BCAP29: variants seen among roughly 807,000 people sequenced by gnomAD.
BCAP29 encodes the protein B cell receptor associated protein 29.
A neutral mutation model predicts 31.8 loss-of-function variants in BCAP29; 34 were observed. The observed-to-expected ratio is 1.07, with a 90% CI of 0.81 to 1.42. BCAP29 has a LOEUF of 1.42. BCAP29 is among the 40% of genes most tolerant of loss of function. The pLI, the probability that BCAP29 is intolerant of heterozygous loss-of-function variation, is 0.00. For missense variants in BCAP29, 314 were observed against 269.2 expected (o/e 1.17, Z -1.16); for synonymous variants, 104 against 91.3 (o/e 1.14, Z -0.79).
intron 7 of BCAP29, among the ~76,000 whole-genome samples, chr7:107,618,065 T>C (rs1814508106): frequency 1.3e-5 from 2 of 152,140 alleles, no homozygotes; most frequent in Non-Finnish European, 2.9e-5. Context: ...AGAAATCATG[T>C]TTTCCTAATG....
chr7:107,581,662 C>T (rs1806692965), intron 2 of BCAP29, among the ~76,000 whole-genome samples: 1 of 152,088 alleles, frequency 6.6e-6, no homozygotes, highest in Non-Finnish European at 1.5e-5. Flanking sequence ...AAGTGAGATC[C>T]TAGAGATAAC....
intron 4 of BCAP29, among the ~76,000 whole-genome samples, chr7:107,594,377 G>A (rs1055583101): frequency 1.3e-5 from 2 of 151,918 alleles, no homozygotes; most frequent in African/African-American, 4.8e-5. Context: ...TTGTAGAGAT[G>A]GGGTCTCACT....
chr7:107,591,641 T>TACACACACACACACAC (rs924671499), intron 3 of BCAP29, among the ~76,000 whole-genome samples: 14 of 41,826 alleles, frequency 3.3e-4, no homozygotes, highest in South Asian at 1.5e-3. Context: ...CATACACACA[T>TACACACACACACACAC]ACACACACAC....
At position 107,618,807 on chromosome 7, in the gene BCAP29, G is replaced by A. The variant is rs2129298433; in HGVS notation, c.*444G>A. On this transcript the variant is annotated 3_prime_UTR_variant, in exon 8 of 8. Coordinates refer to ENST00000005259, the MANE Select transcript of BCAP29 (RefSeq NM_018844.4). ...TTCAATATCAGCAAATTTGTACACA[G>A]GGAATGTAAATAAGGATAACTGATC... 2 of 405,372 alleles carry A rather than the reference G, an allele frequency of 4.9e-6. No individual in the cohort carries two copies. Among genetic ancestry groups the A allele is most frequent in the Middle Eastern group, 6.6e-4 (1 of 1,506 alleles). 25.1% of individuals were successfully genotyped at this position (405,372 alleles called of 1,614,324 possible).
In BCAP29 at chr7:107,613,334, C is replaced by T; in HGVS notation, c.592C>T (p.Leu198Phe). 6.2e-7 allele frequency: 1 copy of T among 1,601,138 alleles called. No homozygotes were observed. Among genetic ancestry groups the T allele is most frequent in the Non-Finnish European group, 8.5e-7 (1 of 1,171,770 alleles). The change falls in exon 7 of 8, where the codon CTT becomes TTT. Residue 198 changes from leucine to phenylalanine, a missense_variant and splice_region_variant. By Grantham distance (22) the Leu-to-Phe change is conservative (BLOSUM62 0). Transcript: ENST00000005259. Reference protein sequence around the residue: ...KTELRKTSDALSKAQNDVMEM... With the variant: ...KTELRKTSDAFSKAQNDVMEM... ...TAAAACTATTCGATATTTTCTAGCC[C>T]TTTCTAAGGCACAAAATGATGTGAT...
chr7:107,618,335 TA>T lies in BCAP29; in HGVS notation c.699del (p.Glu234LysfsTer22). 3.1e-6 allele frequency: 5 copies of T among 1,587,452 alleles called. No individual in the cohort carries two copies. The highest frequency in any genetic ancestry group is 4.3e-6 in the Non-Finnish European group (5 of 1,166,074). On this transcript the variant is annotated frameshift_variant, in exon 8 of 8. Transcript: ENST00000005259. LOFTEE classifies it high-confidence loss of function. Reference sequence around the variant, plus strand: ...ATATTTTTTTCCTTACAGGATCGTTTAGAAAGAGGCAACAAGAAAAGACTGT... The same window carrying T: ...ATATTTTTTTCCTTACAGGATCGTTTGAAAGAGGCAACAAGAAAAGACTGT... ...LKEHSELQDR[L>X]ERGNKKRL
Position 107,591,231 on chromosome 7 carries a change from A to AT in BCAP29, c.194-2719dup, listed in dbSNP as rs546569302. Among the ~76,000 whole-genome samples the AT allele has an allele frequency of 1.1e-4, 17 of 152,356 alleles. No individual in the cohort carries two copies. The East Asian group carries it at 3.1e-3, about 28-fold the overall frequency. On this transcript the variant is annotated intron_variant, in intron 3 of 7. Transcript: ENST00000005259. ...AGTCCCTGTCAGAAACCCAACAGGC[A>AT]TTTTTGTAGCAGTTGATCAGTTGCT...
At chr7:107,608,130 C>G (rs76444102) in intron 6 of BCAP29, among the ~76,000 whole-genome samples, 2 of 150,858 alleles carry the variant, frequency 1.3e-5, no homozygotes, top group East Asian at 3.9e-4. Context: ...TTTTCCATAC[C>G]GTAATCTTTG....
chr7:107,620,588 A>G (rs1814869972), downstream of BCAP29: 2 of 152,112 alleles, frequency 1.3e-5, no homozygotes, highest in Admixed American at 6.5e-5. Flanking sequence ...GCCTTTTTCC[A>G]TCAGAATTAC....
At chr7:107,601,897 T>G (rs1421505517) in intron 6 of BCAP29, among the ~76,000 whole-genome samples, 1 of 152,226 alleles carries the variant, frequency 6.6e-6, no homozygotes, top group African/African-American at 2.4e-5. Flanking sequence ...AGAGTGTATG[T>G]GTGCTACACT....
intron 7 of BCAP29, chr7:107,615,103 T>C (rs3801944): frequency 0.73 from 298,252 of 407,354 alleles, 109,879 homozygotes; most frequent in South Asian, 0.84. Context: ...CAGTTTCTTA[T>C]GGCCAGTGTC....
At chr7:107,606,423 G>GT (rs1295030783) in intron 6 of BCAP29, among the ~76,000 whole-genome samples, 1 of 152,146 alleles carries the variant, frequency 6.6e-6, no homozygotes, top group Admixed American at 6.5e-5. Flanking sequence ...TCTTTTCACA[G>GT]TAACTTCCCT....
chr7:107,620,964 TG>T (rs1397379507), downstream of BCAP29: 1 of 152,284 alleles, frequency 6.6e-6, no homozygotes, highest in African/African-American at 2.4e-5. Context: ...GAGTTGTTAG[TG>T]GTCTCTGCTT....
At chr7:107,613,661 G>A in intron 7 of BCAP29, 1 of 1,604,640 alleles carries the variant, frequency 6.2e-7, no homozygotes, top group Non-Finnish European at 8.5e-7. Flanking sequence ...CAGCATTCCA[G>A]TTTTGGTGAA....
intron 6 of BCAP29, 52 bp from the exon 7 acceptor site, chr7:107,613,280 A>G: frequency 4.3e-6 from 6 of 1,398,600 alleles, no homozygotes; most frequent in African/African-American, 2.9e-5. Context: ...TAACTTTTCT[A>G]TAAATTTGAA....
chr7:107,585,780 C>G (rs1463666463), intron 3 of BCAP29, among the ~76,000 whole-genome samples: 1 of 152,134 alleles, frequency 6.6e-6, no homozygotes, highest in Non-Finnish European at 1.5e-5. Context: ...AACCTAAGGT[C>G]AGGAATTCCA....
chr7:107,583,046 T>C (rs1806987725), intron 2 of BCAP29, among the ~76,000 whole-genome samples: 1 of 152,020 alleles, frequency 6.6e-6, no homozygotes, highest in Non-Finnish European at 1.5e-5. Context: ...TTTTTCAAGT[T>C]GTAAGTGCTT....
intron 3 of BCAP29, among the ~76,000 whole-genome samples, chr7:107,588,344 A>G (rs1408986096): frequency 1.3e-5 from 2 of 152,230 alleles, no homozygotes; most frequent in African/African-American, 4.8e-5. Context: ...GTTGCACAGC[A>G]TTGTGAATAT....
intron 4 of BCAP29, 121 bp from the exon 5 acceptor site, chr7:107,595,746 G>T: frequency 9.5e-7 from 1 of 1,050,628 alleles, no homozygotes; most frequent in Non-Finnish European, 1.4e-6. Context: ...AATGGGTTCT[G>T]CCTAAACATT....
Sources: gnomAD v4.1 joint callset for allele counts (sites outside exome capture counted in the v4.1 genomes callset) on GRCh38, gnomAD v4.1.1 for gene constraint, MANE v1.5 for transcripts, NCBI Gene and HGNC (gene_info 2026-07-23, HGNC 2026-07-21) for gene names.